The following PCSK6 variants were observed in gnomAD, a reference collection of about 807,000 sequenced individuals.
PCSK6 encodes proprotein convertase subtilisin/kexin type 6, also known as paired basic amino acid cleaving enzyme 4.
PCSK6 carries 85 observed loss-of-function variants against 123.3 expected under a neutral mutation model. The observed-to-expected ratio is 0.69, with a 90% confidence interval of 0.58 to 0.83. The LOEUF (loss-of-function observed/expected upper bound fraction) is 0.83. Among genes scored for constraint, PCSK6 ranks in the 40% least tolerant of loss-of-function variants. The probability of loss-of-function intolerance (pLI) is 0.00; values close to 1 mark genes in which losing one functional copy is unlikely to be tolerated. For missense variants in PCSK6, 1,191 were observed against 1,282.3 expected, an observed-to-expected ratio of 0.93 and a Z score of 1.09; for synonymous variants, 508 against 516.0, an observed-to-expected ratio of 0.98 and a Z score of 0.21.
chr15:101,311,415 C>T (rs1210396984), intron 20 of PCSK6, among the ~76,000 whole-genome samples: 11 of 151,968 alleles, frequency 7.2e-5, no homozygotes, highest in African/African-American at 2.4e-4. Context: ...GCGTGAGCCA[C>T]CGTGCCCGGC....
In PCSK6 at chr15:101,305,685, G is replaced by C. The variant is rs2039707098; in HGVS notation, c.2813-330C>G. On this transcript the variant is annotated intron_variant, in intron 21 of 21. Transcript: ENST00000611716. This position sits in a 1 kb window ranked among gnomAD's most constrained non-coding sequence, Gnocchi z 4.8. ...ATCATGCCACTGCACTCCAGCCTGG[G>C]CAAGAAGAACAAAACTCCGTCTCAA... is the stretch of plus-strand genomic sequence containing the variant. The C allele has an allele frequency of 5.0e-6, 1 of 200,842 alleles. No homozygotes were observed. The allele number at this position is 200,842 out of a possible 1,614,324, so 12.4% of individuals were successfully genotyped here.
chr15:101,356,970 A>G (rs2041063494), intron 13 of PCSK6, among the ~76,000 whole-genome samples: 1 of 152,206 alleles, frequency 6.6e-6, no homozygotes, highest in Admixed American at 6.5e-5. Context: ...GTATTATTGG[A>G]GCTAGCGCAT....
intron 13 of PCSK6, among the ~76,000 whole-genome samples, chr15:101,352,854 A>G (rs1225029669): frequency 6.6e-6 from 1 of 152,240 alleles, no homozygotes; most frequent in Non-Finnish European, 1.5e-5. Context: ...TCTCAGTGAT[A>G]CTGAATCCTC....
At chr15:101,363,455 G>A (rs945277804) in intron 13 of PCSK6, among the ~76,000 whole-genome samples, 2 of 152,216 alleles carry the variant, frequency 1.3e-5, no homozygotes, top group Non-Finnish European at 2.9e-5. Flanking sequence ...TTGTGCCCAC[G>A]AAGCAGTGAA....
intron 1 of PCSK6, among the ~76,000 whole-genome samples, chr15:101,481,062 C>T (rs551138250): frequency 1.3e-5 from 2 of 152,164 alleles, no homozygotes; most frequent in African/African-American, 2.4e-5. Flanking sequence ...AATAAATGAA[C>T]GCACGTCTGC....
intron 13 of PCSK6, among the ~76,000 whole-genome samples, chr15:101,345,040 T>C (rs551496259): frequency 1.3e-5 from 2 of 152,344 alleles, no homozygotes; most frequent in African/African-American, 4.8e-5. Context: ...TTGTAAGCAC[T>C]TGTTTTGTGG....
Position 101,393,963 on chromosome 15 carries a change from C to A in PCSK6, c.997-539G>T, listed in dbSNP as rs58329356. On this transcript the variant is annotated intron_variant, in intron 7 of 21. Coordinates refer to ENST00000611716, the MANE Select transcript of PCSK6 (RefSeq NM_002570.5). ...AAGAGGGATAGGACCATGAACTCTG[C>A]GTGAAGACAGAATAGGTGGAAAGGG... 6.0e-3 allele frequency among the ~76,000 whole-genome samples: 908 copies of A among 152,076 alleles called. 14 individuals are homozygous for A. The highest frequency in any genetic ancestry group is 0.02 in the African/African-American group (833 of 41,494).
At chr15:101,369,168 G>C (rs1240671535) in intron 12 of PCSK6, among the ~76,000 whole-genome samples, 3 of 152,258 alleles carry the variant, frequency 2.0e-5, no homozygotes, top group Admixed American at 6.5e-5. Flanking sequence ...GCCTGCTGCA[G>C]AGAGACCAGG....
rs1350974078 is a variant in PCSK6, at chr15:101,304,551, GAC to G, written c.*705_*706del. On this transcript the variant is annotated 3_prime_UTR_variant, in exon 22 of 22. Coordinates refer to ENST00000611716, the MANE Select transcript of PCSK6 (RefSeq NM_002570.5). ...TCGTTCAGGCCATGAGACTCCTGAA[GAC>G]ACAGACAGAACACGGTAACAAGGAG... is the stretch of plus-strand genomic sequence containing the variant. 2.0e-5 allele frequency: 3 copies of G among 152,232 alleles called. No homozygotes were observed. The highest frequency in any genetic ancestry group is 2.1e-4 in the South Asian group (1 of 4,826). 9.4% of individuals were successfully genotyped at this position (152,232 alleles called of 1,614,324 possible). A position where few individuals can be genotyped will look rare whatever the true frequency, so the allele number is the denominator to read the frequency against.
chr15:101,487,821 G>A (rs1425098425), intron 1 of PCSK6, among the ~76,000 whole-genome samples: 1 of 152,140 alleles, frequency 6.6e-6, no homozygotes, highest in Non-Finnish European at 1.5e-5. Context: ...CGAAGTCAGT[G>A]CTACCCGACG....
chr15:101,463,131 A>G (rs1567239478), intron 1 of PCSK6: 3 of 457,786 alleles, frequency 6.6e-6, no homozygotes, highest in Admixed American at 2.3e-5. Flanking sequence ...TTGAGCATCA[A>G]TGACTCTTTG....
chr15:101,307,165 G>A (rs1316039022), intron 21 of PCSK6, 48 bp downstream of exon 21: 1 of 1,405,990 alleles, frequency 7.1e-7, no homozygotes, highest in Non-Finnish European at 1.0e-6. Context: ...GAGCTGGCCA[G>A]CTGAGCTCCT....
chr15:101,480,400 G>C (rs528133867), intron 1 of PCSK6, among the ~76,000 whole-genome samples: 3 of 152,252 alleles, frequency 2.0e-5, no homozygotes, highest in Non-Finnish European at 4.4e-5. Context: ...AGCAGCCAAG[G>C]CAAGACAATG....
At position 101,437,966 on chromosome 15, in the gene PCSK6, G is replaced by A. The variant is rs369084608; in HGVS notation, c.402+5590C>T. On this transcript the variant is annotated intron_variant, in intron 2 of 21. Transcript: ENST00000611716. ...ACGTTAATATGAGGTCATGATGCGGGGGACCCTAATCCAATCTGGCCAGTG... is the reference window on the plus strand; with the variant it reads ...ACGTTAATATGAGGTCATGATGCGGAGGACCCTAATCCAATCTGGCCAGTG... Among the ~76,000 whole-genome samples, 24 of 152,268 alleles carry A rather than the reference G, an allele frequency of 1.6e-4. 2 individuals are homozygous for A. Among genetic ancestry groups the A allele is most frequent in the South Asian group, 8.3e-4 (4 of 4,816 alleles).
rs776046303 is a variant in PCSK6 at position 101,366,214 on chromosome 15, G to A, written c.1840C>T (p.Arg614Cys). Residue 614 changes from arginine to cysteine, a missense_variant, in exon 13 of 22, where the codon CGC becomes TGC. Physicochemically the swap from Arg to Cys is radical, Grantham distance 180 (BLOSUM62 -3). This residue lies in a region of PCSK6 where 630 missense variants were observed against 631.4 expected (regional missense o/e 1.00). Transcript: ENST00000611716. ...CACTGACCTTGCTTCTCCGGGTTGC[G>A]GACCTGGGATGGCAGATCTTGGATT... The part of the protein sequence containing the change: ...LEIQDLPSQV[R>C]NPEKQGKLKE... The A allele has an allele frequency of 9.9e-6, 16 of 1,612,546 alleles. No homozygotes were observed. In the South Asian group the frequency reaches 1.1e-4, roughly 11 times the overall value.
intron 11 of PCSK6, among the ~76,000 whole-genome samples, chr15:101,374,218 G>A (rs577108619): frequency 6.6e-6 from 1 of 152,140 alleles, no homozygotes; most frequent in African/African-American, 2.4e-5. Flanking sequence ...GGAGGCGAAG[G>A]CCCACCAACA....
intron 13 of PCSK6, among the ~76,000 whole-genome samples, chr15:101,340,662 T>A (rs2040581175): frequency 6.6e-6 from 1 of 152,210 alleles, no homozygotes; most frequent in Non-Finnish European, 1.5e-5. Context: ...ATATGCTATG[T>A]CCTGGTTTCT....
intron 1 of PCSK6, among the ~76,000 whole-genome samples, chr15:101,446,627 C>T (rs1193129473): frequency 1.3e-5 from 2 of 152,192 alleles, no homozygotes; most frequent in Non-Finnish European, 2.9e-5. Flanking sequence ...CTAGAGCCCA[C>T]GAGGATCAAA....
At chr15:101,372,978 G>C (rs1329897655) in intron 11 of PCSK6, among the ~76,000 whole-genome samples, 1 of 152,034 alleles carries the variant, frequency 6.6e-6, no homozygotes, top group South Asian at 2.1e-4. Flanking sequence ...ATAAGGCACA[G>C]GGATGAGAGA....
Sources: gnomAD v4.1 joint callset for allele counts (sites outside exome capture counted in the v4.1 genomes callset) on GRCh38, gnomAD v4.1.1 for gene constraint, gnomAD v4.1.1 regional missense constraint, Gnocchi (gnomAD v3.1) non-coding constraint, MANE v1.5 for transcripts, NCBI Gene and HGNC (gene_info 2026-07-23, HGNC 2026-07-21) for gene names.